The following WASHC5 variants were observed in gnomAD, a reference collection of about 807,000 sequenced individuals.
WASHC5 encodes the protein WASH complex subunit 5.
A neutral mutation model predicts 150.4 loss-of-function variants in WASHC5; 101 were observed. That is an observed-to-expected ratio of 0.67 (90% confidence interval 0.57 to 0.79). WASHC5 has a LOEUF of 0.79. WASHC5 is among the 30% of genes least tolerant of loss of function. The pLI, the probability that WASHC5 is intolerant of heterozygous loss-of-function variation, is 0.00. For missense variants in WASHC5, 1,195 were observed against 1,396.3 expected (o/e 0.86, Z 2.30); for synonymous variants, 467 against 491.2 (o/e 0.95, Z 0.65).
chr8:125,053,229 A>G (rs1586355668), intron 17 of WASHC5, among the ~76,000 whole-genome samples: 1 of 152,016 alleles, frequency 6.6e-6, no homozygotes. Context: ...CACAACCTCA[A>G]CACTCTGAGG....
chr8:125,048,907 C>A, intron 19 of WASHC5, 99 bp downstream of exon 19: 1 of 967,128 alleles, frequency 1.0e-6, no homozygotes, highest in Non-Finnish European at 1.5e-6. Flanking sequence ...CTGAGACTAT[C>A]TAGTAAACTT....
At chr8:125,083,342 CTTA>C (rs1817327152) in intron 2 of WASHC5, 84 bp from the exon 3 acceptor site, 3 of 1,341,106 alleles carry the variant, frequency 2.2e-6, no homozygotes, top group Non-Finnish European at 3.1e-6. Context: ...AAAATTTGTT[CTTA>C]TGTTATTAGA....
intron 20 of WASHC5, among the ~76,000 whole-genome samples, chr8:125,045,708 C>T (rs145820921): frequency 1.5e-3 from 235 of 152,258 alleles, no homozygotes; most frequent in African/African-American, 5.5e-3. Context: ...GAGAACAAAA[C>T]AAGAGGATTC....
intron 28 of WASHC5, 121 bp downstream of exon 28, chr8:125,028,499 A>C (rs1815435175): frequency 1.4e-6 from 1 of 697,160 alleles, no homozygotes; most frequent in African/African-American, 1.8e-5. Context: ...AGCAGTGGCG[A>C]GAGGCGCAGA....
At position 125,074,990 on chromosome 8, in the gene WASHC5, G is replaced by A. The variant is rs1328907548; in HGVS notation, c.978+8C>T. ...GTTATCAGAGAATGTCCCCAGATTAGAACCTACCTGTTCTCTGACATTTGA... is the reference window on the plus strand; with the variant it reads ...GTTATCAGAGAATGTCCCCAGATTAAAACCTACCTGTTCTCTGACATTTGA... On this transcript the variant is annotated splice_region_variant and intron_variant, in intron 8 of 28. Transcript: ENST00000318410. 6.5e-7 allele frequency: 1 copy of A among 1,538,894 alleles called. No homozygotes were observed. Among genetic ancestry groups the A allele is most frequent in the East Asian group, 2.3e-5 (1 of 44,440 alleles).
At chr8:125,050,462 C>A in intron 18 of WASHC5, 102 bp downstream of exon 18, 1 of 730,936 alleles carries the variant, frequency 1.4e-6, no homozygotes, top group Non-Finnish European at 2.5e-6. Context: ...TATACGTTAG[C>A]TAGGAGGTAA....
chr8:125,032,584 G>A, intron 26 of WASHC5, 190 bp from the exon 27 acceptor site: 1 of 662,936 alleles, frequency 1.5e-6, no homozygotes, highest in South Asian at 1.7e-5. Context: ...CCAGGGGTCT[G>A]AAGGATTCAA....
At chr8:125,077,296 C>G (rs1167462047) in intron 6 of WASHC5, among the ~76,000 whole-genome samples, 1 of 152,246 alleles carries the variant, frequency 6.6e-6, no homozygotes, top group Non-Finnish European at 1.5e-5. Context: ...CTCTTTCTCC[C>G]CTTGATGTGT....
chr8:125,066,691 T>C (rs982143410), intron 10 of WASHC5, among the ~76,000 whole-genome samples: 3 of 152,192 alleles, frequency 2.0e-5, no homozygotes, highest in Non-Finnish European at 2.9e-5. Context: ...GACTCCTGCC[T>C]ACCTTTCAGC....
At chr8:125,077,975 C>G (rs1817115030) in intron 6 of WASHC5, among the ~76,000 whole-genome samples, 1 of 152,166 alleles carries the variant, frequency 6.6e-6, no homozygotes, top group Admixed American at 6.5e-5. Flanking sequence ...AACTAACAAG[C>G]TACCTAAAGA....
At chr8:125,024,788 C>T (rs1815327573) in intron 28 of WASHC5, 115 bp from the exon 29 acceptor site, 1 of 738,344 alleles carries the variant, frequency 1.4e-6, no homozygotes, top group Admixed American at 2.1e-5. Context: ...AGAGGAGACT[C>T]CCATGGGCGG....
chr8:125,088,270 C>G (rs535862883), intron 1 of WASHC5, among the ~76,000 whole-genome samples: 7 of 145,820 alleles, frequency 4.8e-5, no homozygotes, highest in Admixed American at 6.6e-5. Context: ...ACTAAAAATA[C>G]AAAAATTAGC....
chr8:125,054,481 A>C (rs7817741), intron 17 of WASHC5, among the ~76,000 whole-genome samples: 100,608 of 152,100 alleles, frequency 0.66, 35,349 homozygotes, highest in African/African-American at 0.91. Context: ...GAAGAAAAAA[A>C]TAAACAAACA....
chr8:125,077,191 A>G (rs1190412601), intron 6 of WASHC5, among the ~76,000 whole-genome samples: 1 of 152,254 alleles, frequency 6.6e-6, no homozygotes, highest in African/African-American at 2.4e-5. Flanking sequence ...AGAAATTGTT[A>G]TAAGGGCAGA....
At chr8:125,051,556 A>G (rs1212306789) in intron 17 of WASHC5, among the ~76,000 whole-genome samples, 1 of 152,224 alleles carries the variant, frequency 6.6e-6, no homozygotes, top group Non-Finnish European at 1.5e-5. Context: ...CTGAAGGTGA[A>G]AGGCCCTATG....
chr8:125,043,758 A>G, intron 23 of WASHC5, 67 bp downstream of exon 23: 1 of 1,143,934 alleles, frequency 8.7e-7, no homozygotes, highest in Non-Finnish European at 1.3e-6. Flanking sequence ...TGGGCAACAA[A>G]GTTACAAGAA....
intron 23 of WASHC5, chr8:125,040,781 T>A (rs544117801): frequency 6.6e-6 from 1 of 152,366 alleles, no homozygotes; most frequent in East Asian, 1.9e-4. Context: ...TGCTGAACTG[T>A]GAGTCAATCG....
At chr8:125,031,338 G>T (rs1411781957) in intron 27 of WASHC5, among the ~76,000 whole-genome samples, 1 of 152,110 alleles carries the variant, frequency 6.6e-6, no homozygotes, top group Non-Finnish European at 1.5e-5. Context: ...GCAGTGGCAT[G>T]ATCTCAGCTC....
chr8:125,052,313 G>A (rs1210837410), intron 17 of WASHC5, among the ~76,000 whole-genome samples: 3 of 152,018 alleles, frequency 2.0e-5, no homozygotes, highest in African/African-American at 4.8e-5. Flanking sequence ...AATCCTTCCC[G>A]CATTCTCACT....
Sources: allele counts gnomAD v4.1 joint callset (sites outside exome capture counted in the v4.1 genomes callset), GRCh38; gene constraint gnomAD v4.1.1; transcripts MANE v1.5; gene names NCBI Gene and HGNC (gene_info 2026-07-23, HGNC 2026-07-21).